CACNA1G: variants seen among roughly 807,000 people sequenced by gnomAD.
The protein encoded by CACNA1G is voltage-dependent T-type calcium channel subunit alpha-1G.
In CACNA1G, 67 loss-of-function variants were observed where a neutral mutation model predicts 219.4. That is an observed-to-expected ratio of 0.31 (90% CI 0.25 to 0.37). The LOEUF is 0.37. Among genes scored for constraint, CACNA1G ranks in the 10% least tolerant of loss-of-function variants. The pLI, the probability that CACNA1G is intolerant of heterozygous loss-of-function variation, is 1.00. For synonymous variants in CACNA1G, 1,296 were observed against 1,345.3 expected (o/e 0.96, Z 0.80); for missense variants, 2,380 against 3,231.4 (o/e 0.74, Z 6.39).
At position 50,601,172 on chromosome 17, in the gene CACNA1G, G is replaced by A. The variant is rs752133556; in HGVS notation, c.3913G>A (p.Ala1305Thr). The A allele has an allele frequency of 3.7e-6, 6 of 1,613,538 alleles. No individual in the cohort carries two copies. Among genetic ancestry groups the A allele is most frequent in the East Asian group, 4.5e-5 (2 of 44,894 alleles). ...MERPKIDPHS[A>T]ERIFLTLSNY... The stretch of plus-strand genomic sequence containing the variant: ...GCGCCCCAAAATTGACCCCCACAGC[G>A]CTGTGAGTCACCAGCCCCGCTCAGG... Residue 1305 changes from alanine (A) to threonine (T), a missense_variant and splice_region_variant, in exon 19 of 38, where the codon GCT becomes ACT. Physicochemically the swap from Ala to Thr is moderately conservative, Grantham distance 58 (BLOSUM62 0). Around this residue, in one of 17 missense-constraint regions of CACNA1G, gnomAD observed 153 missense variants for 374.9 expected, o/e 0.41. Coordinates refer to ENST00000359106, the MANE Select transcript of CACNA1G (RefSeq NM_018896.5).
At chr17:50,569,547 C>T (rs1250686862) in intron 3 of CACNA1G, among the ~76,000 whole-genome samples, 159 bp from the exon 4 acceptor site, 2 of 151,886 alleles carry the variant, frequency 1.3e-5, no homozygotes, top group Non-Finnish European at 2.9e-5. Context: ...GTAGCCTTGC[C>T]CCCCAGACAG....
intron 19 of CACNA1G, among the ~76,000 whole-genome samples, chr17:50,601,520 G>T (rs2145807388): frequency 6.6e-6 from 1 of 152,348 alleles, no homozygotes; most frequent in African/African-American, 2.4e-5. Context: ...TGCCCAGTCT[G>T]CCTCAGGGCC....
Position 50,591,552 on chromosome 17 carries a change from G to T in CACNA1G, c.2571G>T (p.Val857=). 6.2e-7 allele frequency: 1 copy of T among 1,612,808 alleles called. No individual in the cohort carries two copies. Among genetic ancestry groups the T allele is most frequent in the Non-Finnish European group, 8.5e-7 (1 of 1,179,572 alleles). The change falls in exon 11 of 38, where the codon GTG becomes GTT. Residue 857 remains valine, a synonymous_variant. Coordinates refer to ENST00000359106, the MANE Select transcript of CACNA1G (RefSeq NM_018896.5). ...FLPALQRQLV[V]LMKTMDNVAT... is the part of the protein sequence containing the mutation. ...CGGCGCTGCAGCGGCAGCTGGTGGT[G>T]CTCATGAAGACCATGGACAACGTGG...
chr17:50,596,592 G>T lies in CACNA1G; in HGVS notation c.3010G>T (p.Asp1004Tyr), dbSNP rs377336879. The T allele has an allele frequency of 6.2e-7, 1 of 1,613,956 alleles. No individual in the cohort carries two copies. Among genetic ancestry groups the T allele is most frequent in the East Asian group, 2.2e-5 (1 of 44,878 alleles). The change falls in exon 15 of 38, where the codon GAT (aspartate) becomes TAT (tyrosine). Residue 1004 changes from aspartate (D) to tyrosine (Y), a missense_variant. This residue lies in a region of CACNA1G where 418 missense variants were observed against 434.3 expected (regional missense o/e 0.96). Coordinates refer to ENST00000359106, the MANE Select transcript of CACNA1G (RefSeq NM_018896.5). This position sits in a 1 kb window ranked among gnomAD's most constrained non-coding sequence, Gnocchi z 4.8. ...TGCCAACAAGTCCGAATCAGAGCCC[G>T]ATTTCTTCTCACCCAGCCTGGATGG... ...GDANKSESEP[D>Y]FFSPSLDGDG...
At position 50,561,118 on chromosome 17, in the gene CACNA1G, G is replaced by A; in HGVS notation, c.-342G>A. 2.1e-6 allele frequency: 1 copy of A among 468,572 alleles called. No individual in the cohort carries two copies. The highest frequency in any genetic ancestry group is 4.1e-6 in the Non-Finnish European group (1 of 245,736). 29.0% of individuals were successfully genotyped at this position (468,572 alleles called of 1,614,324 possible). ...TCGTTCGCCCTCTCGGGGCGGCTTC[G>A]CCGAAGGTAGCGCCGAATCCGGCAA... On this transcript the variant is annotated 5_prime_UTR_variant, in exon 1 of 38. Transcript: ENST00000359106.
At position 50,626,762 on chromosome 17, in the gene CACNA1G, A is replaced by G. The variant is rs758892954; in HGVS notation, c.*11A>G. On this transcript the variant is annotated 3_prime_UTR_variant, in exon 38 of 38. Coordinates refer to ENST00000359106, the MANE Select transcript of CACNA1G (RefSeq NM_018896.5). The surrounding 1 kb of genome is among the most constrained non-coding windows in gnomAD (Gnocchi z 4.3). ...GACCTGGACCCCTGAGTCCTGCCCC[A>G]CTTTCCCACTCACCTTTCTCCACTG... The G allele has an allele frequency of 6.2e-7, 1 of 1,612,744 alleles. No individual in the cohort carries two copies.
chr17:50,605,783 A>G (rs2047836720), intron 22 of CACNA1G, 115 bp from the exon 23 acceptor site: 2 of 1,100,614 alleles, frequency 1.8e-6, no homozygotes, highest in Admixed American at 4.1e-5. Context: ...CCCAGAGCAG[A>G]GCACCCCACA....
intron 22 of CACNA1G, among the ~76,000 whole-genome samples, chr17:50,604,634 G>T (rs1487117540): frequency 1.3e-5 from 2 of 152,246 alleles, no homozygotes; most frequent in Non-Finnish European, 2.9e-5. Context: ...TGGGCTGCAG[G>T]CCAGGTCTGG....
rs760137541 is a variant in CACNA1G at position 50,618,777 on chromosome 17, G to T, written c.5550G>T (p.Leu1850=). The change falls in exon 33 of 38, where the codon CTG becomes CTT. Residue 1850 remains leucine, a synonymous_variant. Transcript: ENST00000359106. The surrounding 1 kb of genome is among the most constrained non-coding windows in gnomAD (Gnocchi z 5.3). ...TAGTCAACGTGGTGATCGCCGTGCT[G>T]ATGAAGCACCTGGAGGAGAGCAACA... ...FVLVNVVIAV[L]MKHLEESNKE... is the part of the protein sequence containing the mutation. The T allele has an allele frequency of 5.0e-6, 8 of 1,613,900 alleles. No individual in the cohort carries two copies. The Admixed American group carries it at 1.3e-4, about 27-fold the overall frequency.
chr17:50,589,423 C>T (rs911992405), intron 9 of CACNA1G, among the ~76,000 whole-genome samples: 1 of 152,198 alleles, frequency 6.6e-6, no homozygotes, highest in Non-Finnish European at 1.5e-5. Flanking sequence ...GCATTTAAGG[C>T]CTCTTGTGGT....
At chr17:50,614,182 C>T (rs1324893105) in intron 26 of CACNA1G, among the ~76,000 whole-genome samples, 2 of 152,194 alleles carry the variant, frequency 1.3e-5, no homozygotes, top group African/African-American at 4.8e-5. Context: ...GTTTACCTCT[C>T]TGTTCAATGG....
chr17:50,560,737 G>T lies in CACNA1G; in HGVS notation c.-723G>T, dbSNP rs994000869. Among the ~76,000 whole-genome samples the T allele has an allele frequency of 6.6e-6, 1 of 152,188 alleles. No individual in the cohort carries two copies. The highest frequency in any genetic ancestry group is 2.4e-5 in the African/African-American group (1 of 41,456). ...GGTGTGCGCGGGGCTCCTCGCCGCCGCTTTCGCTCGCTCGCTCCGCGTCTC... is the reference window on the plus strand; with the variant it reads ...GGTGTGCGCGGGGCTCCTCGCCGCCTCTTTCGCTCGCTCGCTCCGCGTCTC... On this transcript the variant is annotated 5_prime_UTR_variant, in exon 1 of 38. Transcript: ENST00000359106.
At position 50,572,706 on chromosome 17, in the gene CACNA1G, T is replaced by C; in HGVS notation, c.899T>C (p.Leu300Pro). 6.2e-7 allele frequency: 1 copy of C among 1,613,806 alleles called. No individual in the cohort carries two copies. Among genetic ancestry groups the C allele is most frequent in the East Asian group, 2.2e-5 (1 of 44,880 alleles). The change falls in exon 6 of 38, where the codon CTG becomes CCG. Residue 300 changes from leucine to proline, a missense_variant. This residue lies in a region of CACNA1G where 68 missense variants were observed against 85.3 expected (regional missense o/e 0.80). Transcript: ENST00000359106. Reference protein sequence around the residue: ...GDGGGGPPCGLDYEAYNSSSN... With the variant: ...GDGGGGPPCGPDYEAYNSSSN... ...GGGGGCGGTGGCCCACCTTGCGGTC[T>C]GGACTATGAGGCCTACAACAGCTCC...
At chr17:50,562,972 A>T (rs1373219046) in intron 1 of CACNA1G, among the ~76,000 whole-genome samples, 1 of 152,162 alleles carries the variant, frequency 6.6e-6, no homozygotes, top group Non-Finnish European at 1.5e-5. Context: ...CTGCCATCTC[A>T]GGTCTGGACA....
Position 50,596,580 on chromosome 17 carries a change from G to A in CACNA1G, c.2998G>A (p.Glu1000Lys), listed in dbSNP as rs767199248. The change falls in exon 15 of 38, where the codon GAA (glutamate) becomes AAA (lysine). Residue 1000 changes from glutamate to lysine, a missense_variant. By Grantham distance (56) the Glu-to-Lys change is moderately conservative (BLOSUM62 1). This residue lies in a region of CACNA1G where 418 missense variants were observed against 434.3 expected (regional missense o/e 0.96). Transcript: ENST00000359106. The surrounding 1 kb of genome is among the most constrained non-coding windows in gnomAD (Gnocchi z 4.8). ...DSQGGDANKS[E>K]SEPDFFSPSL... is the part of the protein sequence containing the mutation. ...GCCCTAGGGAGATGCCAACAAGTCC[G>A]AATCAGAGCCCGATTTCTTCTCACC... is the stretch of plus-strand genomic sequence containing the variant. 12 of 1,613,830 alleles carry A rather than the reference G, an allele frequency of 7.4e-6. No individual in the cohort carries two copies. The highest frequency in any genetic ancestry group is 6.7e-5 in the East Asian group (3 of 44,888).
Position 50,596,081 on chromosome 17 carries a change from C to A in CACNA1G, c.2980-481C>A, listed in dbSNP as rs2045485111. On this transcript the variant is annotated intron_variant, in intron 14 of 37. Coordinates refer to ENST00000359106, the MANE Select transcript of CACNA1G (RefSeq NM_018896.5). The surrounding 1 kb of genome is among the most constrained non-coding windows in gnomAD (Gnocchi z 4.8). ...ACTGAAGTGGCGTCCTCGGGCTGAG[C>A]TGTTCTGTCTGGGGTCTTTCAATTT... Among the ~76,000 whole-genome samples, 1 of 152,080 alleles carries A rather than the reference C, an allele frequency of 6.6e-6. No homozygotes were observed. Among genetic ancestry groups the A allele is most frequent in the African/African-American group, 2.4e-5 (1 of 41,400 alleles).
In CACNA1G at chr17:50,621,554, C is replaced by T. The variant is rs187988930; in HGVS notation, c.5926-106C>T. The T allele has an allele frequency of 2.5e-5, 32 of 1,280,138 alleles. No individual in the cohort carries two copies. The highest frequency in any genetic ancestry group is 2.3e-4 in the African/African-American group (16 of 68,372). 79.3% of individuals were successfully genotyped at this position (1,280,138 alleles called of 1,614,324 possible). On this transcript the variant is annotated intron_variant, in intron 34 of 37. Coordinates refer to ENST00000359106, the MANE Select transcript of CACNA1G (RefSeq NM_018896.5). This position sits in a 1 kb window ranked among gnomAD's most constrained non-coding sequence, Gnocchi z 4.6. ...GCCTTTTTCCCGCCCCCCTGTGCTT[C>T]GTGAAAAGGGGGAAGTGGGGACTGA... is the stretch of plus-strand genomic sequence containing the variant.
At position 50,615,311 on chromosome 17, in the gene CACNA1G, C is replaced by T. The variant is rs373060607; in HGVS notation, c.4760-50C>T. 465 of 1,018,132 alleles carry T rather than the reference C, an allele frequency of 4.6e-4. 3 individuals carry two copies. The South Asian group carries it at 5.5e-3, about 12-fold the overall frequency. 63.1% of individuals were successfully genotyped at this position (1,018,132 alleles called of 1,614,324 possible). ...GTGAGGGACTGGGGGTGGAGGGGTG[C>T]GGGGGGCAGGGGCCTGACGCTTGCT... is the stretch of plus-strand genomic sequence containing the variant. On this transcript the variant is annotated intron_variant, in intron 26 of 37. Coordinates refer to ENST00000359106, the MANE Select transcript of CACNA1G (RefSeq NM_018896.5).
At chr17:50,609,338 G>A (rs2048674530) in intron 25 of CACNA1G, among the ~76,000 whole-genome samples, 2 of 152,128 alleles carry the variant, frequency 1.3e-5, no homozygotes, top group Non-Finnish European at 2.9e-5. Context: ...CGTTCTCCAC[G>A]TCCCCAACCC....
Sources: allele counts gnomAD v4.1 joint callset (sites outside exome capture counted in the v4.1 genomes callset), GRCh38; gene constraint gnomAD v4.1.1; regional missense constraint gnomAD v4.1.1; non-coding constraint Gnocchi (gnomAD v3.1); transcripts MANE v1.5; gene names NCBI Gene and HGNC (gene_info 2026-07-23, HGNC 2026-07-21).